The following FOXP1 variants were observed in gnomAD, a reference collection of about 807,000 sequenced individuals.
FOXP1 encodes forkhead box P1, also known as forkhead box protein P1.
Under a neutral mutation model 98.2 loss-of-function variants are expected in FOXP1, and 15 were observed. That is an observed-to-expected ratio of 0.15 (90% CI 0.10 to 0.24). The LOEUF is 0.24. Among genes scored for constraint, FOXP1 ranks in the 10% least tolerant of loss-of-function variants. The probability of loss-of-function intolerance (pLI) is 1.00; values close to 1 mark genes in which losing one functional copy is unlikely to be tolerated. For synonymous variants in FOXP1, 371 were observed against 314.5 expected (o/e 1.18, Z -1.90); for missense variants, 633 against 848.5 (o/e 0.75, Z 3.15).
chr3:70,976,614 G>T (rs529833776), intron 17 of FOXP1, among the ~76,000 whole-genome samples: 1 of 152,102 alleles, frequency 6.6e-6, no homozygotes, highest in African/African-American at 2.4e-5. Flanking sequence ...AAGACCTAAC[G>T]GCATGAGGTT....
chr3:71,016,355 C>T (rs1418323524), intron 11 of FOXP1, among the ~76,000 whole-genome samples: 1 of 152,162 alleles, frequency 6.6e-6, no homozygotes, highest in Non-Finnish European at 1.5e-5. Context: ...GGATCCAAGT[C>T]ATGGGATGCT....
chr3:71,326,716 GTAAA>G (rs1449897886), intron 4 of FOXP1, among the ~76,000 whole-genome samples: 3 of 152,118 alleles, frequency 2.0e-5, no homozygotes, highest in Non-Finnish European at 4.4e-5. Context: ...TATTAGGTGG[GTAAA>G]TATTTTTTTA....
chr3:71,073,417 C>A (rs987117166), intron 7 of FOXP1, among the ~76,000 whole-genome samples: 1 of 152,232 alleles, frequency 6.6e-6, no homozygotes, highest in African/African-American at 2.4e-5. Context: ...TCCCCCTTAT[C>A]TCTGAAGTCT....
At chr3:71,103,373 G>A (rs952869188) in intron 7 of FOXP1, among the ~76,000 whole-genome samples, 8 of 152,182 alleles carry the variant, frequency 5.3e-5, no homozygotes, top group East Asian at 1.9e-4. Context: ...AATAATAAGT[G>A]TAGGGAAAAC....
At chr3:71,165,339 C>T (rs114220785) in intron 6 of FOXP1, among the ~76,000 whole-genome samples, 2,149 of 150,740 alleles carry the variant, frequency 0.014, 58 homozygotes, top group African/African-American at 0.049. Flanking sequence ...GTTTAATGAA[C>T]GTTTACCTCA....
rs1488027419 is a variant in FOXP1 at position 71,116,080 on chromosome 3, T to C, written c.181-3443A>G. On this transcript the variant is annotated intron_variant, in intron 6 of 20. Coordinates refer to ENST00000649528, the MANE Select transcript of FOXP1 (RefSeq NM_001349338.3). ...ATGAGCATGGTCTCATAAATGTACA[T>C]AAGGAAAGGAAAGTATAGAACTTAA... is the stretch of plus-strand genomic sequence containing the variant. Among the ~76,000 whole-genome samples the C allele has an allele frequency of 3.3e-5, 5 of 152,164 alleles. No homozygotes were observed. In the East Asian group the frequency reaches 5.8e-4, roughly 18 times the overall value.
chr3:71,089,139 C>A (rs2055502334), intron 7 of FOXP1, among the ~76,000 whole-genome samples: 1 of 152,174 alleles, frequency 6.6e-6, no homozygotes, highest in African/African-American at 2.4e-5. Flanking sequence ...ATTTGGTATT[C>A]ATGCCTTGGA....
chr3:71,489,187 G>T (rs1020339577), intron 3 of FOXP1, among the ~76,000 whole-genome samples: 18 of 152,186 alleles, frequency 1.2e-4, no homozygotes, highest in African/African-American at 4.3e-4. Flanking sequence ...AGCCAAAAAA[G>T]TAGCCCTTCA....
At position 71,131,393 on chromosome 3, in the gene FOXP1, T is replaced by C. The variant is rs903248445; in HGVS notation, c.181-18756A>G. 2.5e-5 allele frequency among the ~76,000 whole-genome samples: 3 copies of C among 118,340 alleles called. No individual in the cohort carries two copies. In the Admixed American group the frequency reaches 2.8e-4, roughly 11 times the overall value. 77.6% of individuals were successfully genotyped at this position (118,340 alleles called of 152,430 possible). ...AACAGGAGGAAGAGTTGAACAGCCATATTCAATAACAAAAAAAAAAAAAAA... is the reference window on the plus strand; with the variant it reads ...AACAGGAGGAAGAGTTGAACAGCCACATTCAATAACAAAAAAAAAAAAAAA... On this transcript the variant is annotated intron_variant, in intron 6 of 20. Coordinates refer to ENST00000649528, the MANE Select transcript of FOXP1 (RefSeq NM_001349338.3).
At chr3:71,035,170 A>ACCAG (rs1367557675) in intron 11 of FOXP1, among the ~76,000 whole-genome samples, 1 of 152,196 alleles carries the variant, frequency 6.6e-6, no homozygotes, top group Non-Finnish European at 1.5e-5. Flanking sequence ...GTCACAGCAG[A>ACCAG]GCTGCTGGTC....
At chr3:71,007,937 G>A (rs1003725427) in intron 12 of FOXP1, among the ~76,000 whole-genome samples, 19 of 151,826 alleles carry the variant, frequency 1.3e-4, no homozygotes, top group African/African-American at 4.6e-4. Context: ...AGTTTATTTT[G>A]GCTTTCATAA....
chr3:71,379,821 G>A (rs1049635928), intron 3 of FOXP1, among the ~76,000 whole-genome samples: 1 of 152,056 alleles, frequency 6.6e-6, no homozygotes, highest in African/African-American at 2.4e-5. Context: ...TTACTACCTG[G>A]CCTTTACAAA....
chr3:71,418,643 C>T (rs191056174), intron 3 of FOXP1, among the ~76,000 whole-genome samples: 31 of 152,116 alleles, frequency 2.0e-4, no homozygotes, highest in African/African-American at 6.0e-4. Flanking sequence ...TTTATCATGG[C>T]CACCTCAGAT....
intron 3 of FOXP1, among the ~76,000 whole-genome samples, chr3:71,364,842 CTAAT>C (rs1486597732): frequency 1.3e-5 from 2 of 152,186 alleles, no homozygotes. Context: ...TAACTGTTAA[CTAAT>C]TAATGTTTTA....
chr3:71,262,264 C>CAAAAAAAAAAAAAAAAAAAA (rs71104433), intron 5 of FOXP1, among the ~76,000 whole-genome samples: 1 of 25,698 alleles, frequency 3.9e-5, no homozygotes, highest in African/African-American at 1.3e-4. Flanking sequence ...GACTCTGTCA[C>CAAAAAAAAAAAAAAAAAAAA]AAAAAAAAAA....
At chr3:71,522,379 C>T (rs2043056660) in intron 2 of FOXP1, among the ~76,000 whole-genome samples, 1 of 152,124 alleles carries the variant, frequency 6.6e-6, no homozygotes, top group Non-Finnish European at 1.5e-5. Context: ...ATGGTGTTTT[C>T]CAAGAGAAGA....
chr3:70,980,719 G>A (rs916596764), intron 14 of FOXP1, among the ~76,000 whole-genome samples: 4 of 152,120 alleles, frequency 2.6e-5, no homozygotes, highest in East Asian at 3.9e-4. Flanking sequence ...CAATCAACAC[G>A]TGTAACTGAG....
At chr3:71,494,954 G>A (rs1422135508) in intron 2 of FOXP1, among the ~76,000 whole-genome samples, 1 of 151,318 alleles carries the variant, frequency 6.6e-6, no homozygotes, top group Non-Finnish European at 1.5e-5. Context: ...AAAAAGAAAA[G>A]AAATGAAGAA....
At chr3:71,329,612 C>G (rs1458478064) in intron 4 of FOXP1, among the ~76,000 whole-genome samples, 1 of 151,438 alleles carries the variant, frequency 6.6e-6, no homozygotes, top group African/African-American at 2.4e-5. Flanking sequence ...ACAGGATCTT[C>G]CCCTAAAGCA....
Sources: gnomAD v4.1 joint callset for allele counts (sites outside exome capture counted in the v4.1 genomes callset) on GRCh38, gnomAD v4.1.1 for gene constraint, MANE v1.5 for transcripts, NCBI Gene and HGNC (gene_info 2026-07-23, HGNC 2026-07-21) for gene names.